GARRE1: variants seen among roughly 807,000 people sequenced by gnomAD.
The protein encoded by GARRE1 is granule associated Rac and RHOG effector protein 1.
A neutral mutation model predicts 103.2 loss-of-function variants in GARRE1; 49 were observed. The ratio of observed to expected loss-of-function variants is 0.47; its 90% confidence interval spans 0.38 to 0.60. GARRE1 has a LOEUF of 0.60. Among genes scored for constraint, GARRE1 ranks in the 20% least tolerant of loss-of-function variants. GARRE1 has a pLI of 0.00. For synonymous variants in GARRE1, 505 were observed against 532.8 expected, an observed-to-expected ratio of 0.95 and a Z score of 0.72; for missense variants, 1,199 against 1,370.5, an observed-to-expected ratio of 0.87 and a Z score of 1.98.
At chr19:34,260,428 A>C (rs1199432009) in intron 1 of GARRE1, among the ~76,000 whole-genome samples, 1 of 152,260 alleles carries the variant, frequency 6.6e-6, no homozygotes, top group East Asian at 1.9e-4. Context: ...TGACACCTGC[A>C]ATATCTCCAA....
At chr19:34,286,951 A>G (rs904080465) in intron 1 of GARRE1, among the ~76,000 whole-genome samples, 1 of 151,956 alleles carries the variant, frequency 6.6e-6, no homozygotes, top group African/African-American at 2.4e-5. Flanking sequence ...CATCAGAATC[A>G]TCTGGGGAAC....
chr19:34,352,544 T>C, intron 13 of GARRE1, 103 bp from the exon 14 acceptor site: 1 of 939,784 alleles, frequency 1.1e-6, no homozygotes, highest in Non-Finnish European at 1.7e-6. Context: ...AGTGGGGCTC[T>C]CACCCGGCTT....
chr19:34,263,665 A>G (rs1254519201), intron 1 of GARRE1, among the ~76,000 whole-genome samples: 1 of 151,948 alleles, frequency 6.6e-6, no homozygotes, highest in Non-Finnish European at 1.5e-5. Flanking sequence ...TTTAATAGAG[A>G]CAGGGTTTCA....
chr19:34,296,589 T>G, intron 1 of GARRE1: 2 of 1,547,046 alleles, frequency 1.3e-6, no homozygotes, highest in Non-Finnish European at 1.8e-6. Context: ...CTTGAGGCCC[T>G]TCTTGTGCTT....
chr19:34,261,195 T>G (rs1179374902), intron 1 of GARRE1, among the ~76,000 whole-genome samples: 1 of 152,236 alleles, frequency 6.6e-6, no homozygotes, highest in Non-Finnish European at 1.5e-5. Flanking sequence ...GCTCTGCATC[T>G]AAGCTGCTTG....
rs113276634 is a variant in GARRE1, at chr19:34,275,981, A to G, written c.-796+21367A>G. Among the ~76,000 whole-genome samples, 414 of 152,116 alleles carry G rather than the reference A, an allele frequency of 2.7e-3. 3 individuals are homozygous for G. The highest frequency in any genetic ancestry group is 9.7e-3 in the African/African-American group (402 of 41,490). ...ATTTCCCTGATAGTTAGTGATGTTG[A>G]CTGTCTTTTCATATGCTTATTGGCA... On this transcript the variant is annotated intron_variant, in intron 1 of 13. Coordinates refer to ENST00000299505, the MANE Select transcript of GARRE1 (RefSeq NM_014686.5).
chr19:34,279,981 T>C (rs1233922746), intron 1 of GARRE1, among the ~76,000 whole-genome samples: 1 of 112,796 alleles, frequency 8.9e-6, no homozygotes, highest in East Asian at 2.4e-4. Flanking sequence ...CGAGACTCCG[T>C]CTCAAAAAAA....
intron 3 of GARRE1, among the ~76,000 whole-genome samples, chr19:34,323,070 G>T (rs543676991): frequency 9.5e-6 from 1 of 105,712 alleles, no homozygotes; most frequent in African/African-American, 3.8e-5. Flanking sequence ...TCTCGCTGTT[G>T]CCCAGGCTGG....
In GARRE1 at chr19:34,330,314, G is replaced by A. The variant is rs201511793; in HGVS notation, c.1230G>A (p.Thr410=). Residue 410 remains threonine (T), a synonymous_variant, in exon 7 of 14, where the codon ACG becomes ACA. Transcript: ENST00000299505. ...CCACATGGCGAGGTGCCTGCAAGAC[G>A]GCGGTGCAGCTGCTGTTTGGCCAGG... is the stretch of plus-strand genomic sequence containing the variant. ...CPSTWRGACK[T]AVQLLFGQAG... The A allele has an allele frequency of 5.8e-5, 93 of 1,614,108 alleles. No homozygotes were observed. Among genetic ancestry groups the A allele is most frequent in the Non-Finnish European group, 6.9e-5 (82 of 1,180,044 alleles).
At chr19:34,328,847 A>T (rs1450715634) in intron 6 of GARRE1, among the ~76,000 whole-genome samples, 1 of 152,046 alleles carries the variant, frequency 6.6e-6, no homozygotes, top group Non-Finnish European at 1.5e-5. Flanking sequence ...ACCTCAGCTG[A>T]TCCACCCTAC....
Position 34,299,456 on chromosome 19 carries a change from A to G in GARRE1, c.-795-223A>G, listed in dbSNP as rs1032823348. Among the ~76,000 whole-genome samples the G allele has an allele frequency of 2.0e-5, 3 of 152,268 alleles. No individual in the cohort carries two copies. In the South Asian group the frequency reaches 6.2e-4, roughly 32 times the overall value. On this transcript the variant is annotated intron_variant, in intron 1 of 13. Transcript: ENST00000299505. The stretch of plus-strand genomic sequence containing the variant: ...CTCAGCTTTGAAGGGGCCAGTCTAG[A>G]ATCATACTTTTTTGGTTGCATTGTT...
chr19:34,303,290 G>C (rs538099977), intron 2 of GARRE1, among the ~76,000 whole-genome samples: 1 of 152,160 alleles, frequency 6.6e-6, no homozygotes, highest in African/African-American at 2.4e-5. Flanking sequence ...TTGGATATGA[G>C]ATCCTAGGAA....
At chr19:34,319,827 A>G (rs2074076897) in intron 2 of GARRE1, 80 bp from the exon 3 acceptor site, 2 of 1,161,390 alleles carry the variant, frequency 1.7e-6, no homozygotes. Flanking sequence ...GCTTCTATTC[A>G]AGTTGGTCAT....
chr19:34,330,341 T>C lies in GARRE1; in HGVS notation c.1257T>C (p.Ala419=), dbSNP rs537319422. The C allele has an allele frequency of 4.3e-6, 7 of 1,614,198 alleles. No individual in the cohort carries two copies. The East Asian group carries it at 1.1e-4, about 26-fold the overall frequency. The part of the protein sequence containing the change: ...KTAVQLLFGQ[A]GLVVVDTAQI... ...CGGTGCAGCTGCTGTTTGGCCAGGC[T>C]GGACTGGTGAGTGAGCGTGGGTGGT... Residue 419 remains alanine (A), a synonymous_variant, in exon 7 of 14, where the codon GCT becomes GCC. Transcript: ENST00000299505.
chr19:34,310,745 A>G (rs925765901), intron 2 of GARRE1, among the ~76,000 whole-genome samples: 1 of 152,214 alleles, frequency 6.6e-6, no homozygotes, highest in Non-Finnish European at 1.5e-5. Flanking sequence ...GCTGTGATGC[A>G]GATGGAAAAT....
intron 2 of GARRE1, among the ~76,000 whole-genome samples, chr19:34,316,954 T>A (rs1472376190): frequency 6.6e-6 from 1 of 152,228 alleles, no homozygotes; most frequent in African/African-American, 2.4e-5. Context: ...AGCAGGGTTC[T>A]GCCCTCCTTA....
intron 1 of GARRE1, among the ~76,000 whole-genome samples, chr19:34,298,032 G>A (rs560641631): frequency 1.3e-5 from 2 of 152,234 alleles, no homozygotes; most frequent in South Asian, 2.1e-4. Flanking sequence ...GACGAAGTAT[G>A]AGTTACATTT....
chr19:34,260,342 T>G (rs2073709111), intron 1 of GARRE1, among the ~76,000 whole-genome samples: 1 of 151,188 alleles, frequency 6.6e-6, no homozygotes, highest in African/African-American at 2.4e-5. Flanking sequence ...AATATAACTT[T>G]TATATGTACA....
chr19:34,322,000 C>T lies in GARRE1; in HGVS notation c.705+1884C>T, dbSNP rs373543208. 2.6e-5 allele frequency among the ~76,000 whole-genome samples: 4 copies of T among 152,080 alleles called. No individual in the cohort carries two copies. The South Asian group carries it at 8.3e-4, about 31-fold the overall frequency. ...AACCTCATGACTAAATGGTGGGCTG[C>T]AGGGAGCCGCTCCGGTGGGGGGATT... On this transcript the variant is annotated intron_variant, in intron 3 of 13. Coordinates refer to ENST00000299505, the MANE Select transcript of GARRE1 (RefSeq NM_014686.5).
Sources: allele counts gnomAD v4.1 joint callset (sites outside exome capture counted in the v4.1 genomes callset), GRCh38; gene constraint gnomAD v4.1.1; transcripts MANE v1.5; gene names NCBI Gene and HGNC (gene_info 2026-07-23, HGNC 2026-07-21).